AGBL1: variants seen among roughly 807,000 people sequenced by gnomAD.
The protein encoded by AGBL1 is cytosolic carboxypeptidase 4.
AGBL1 carries 130 observed loss-of-function variants against 118.9 expected under a neutral mutation model. The ratio of observed to expected loss-of-function variants is 1.09; its 90% CI spans 0.95 to 1.26. The LOEUF is 1.26. Ranked by LOEUF, AGBL1 falls within the 50% of genes most tolerant of loss-of-function variation. The pLI is 0.00. For synonymous variants in AGBL1, 555 were observed against 478.9 expected (o/e 1.16, Z -2.08); for missense variants, 1,584 against 1,298.1 (o/e 1.22, Z -3.38).
intron 3 of AGBL1, among the ~76,000 whole-genome samples, chr15:86,153,428 G>C (rs1261898604): frequency 6.6e-6 from 1 of 151,834 alleles, no homozygotes; most frequent in African/African-American, 2.4e-5. Flanking sequence ...ACCAAACACT[G>C]CATGCTCTCA....
chr15:86,546,056 TGTAGCATCAA>T lies in AGBL1; in HGVS notation c.2742_2751del (p.Cys914TrpfsTer17). 6.2e-7 allele frequency: 1 copy of T among 1,613,366 alleles called. No individual in the cohort carries two copies. The highest frequency in any genetic ancestry group is 8.5e-7 in the Non-Finnish European group (1 of 1,179,488). On this transcript the variant is annotated frameshift_variant, in exon 20 of 23. Coordinates refer to ENST00000614907, the MANE Select transcript of AGBL1 (RefSeq NM_001386094.1). LOFTEE classifies it high-confidence loss of function. Reference sequence around the variant, plus strand: ...AAAGAAGAATGTGTTCCTTTATGGCTGTAGCATCAAGGAAACCTTGTGGCAAGCAGCATGC... The same window carrying T: ...AAAGAAGAATGTGTTCCTTTATGGCTGGAAACCTTGTGGCAAGCAGCATGC...
At chr15:86,303,215 C>T (rs1044862268) in intron 17 of AGBL1, among the ~76,000 whole-genome samples, 1 of 152,148 alleles carries the variant, frequency 6.6e-6, no homozygotes, top group African/African-American at 2.4e-5. Flanking sequence ...AATACTTTTT[C>T]ATAGAGCAAT....
At chr15:86,262,522 T>A (rs1463622541) in intron 9 of AGBL1, 5 of 487,370 alleles carry the variant, frequency 1.0e-5, no homozygotes, top group Non-Finnish European at 1.9e-5. Context: ...TTTATCTCAT[T>A]TTATACAAAT....
chr15:86,313,543 G>A (rs1055322143), intron 17 of AGBL1, among the ~76,000 whole-genome samples: 2 of 152,184 alleles, frequency 1.3e-5, no homozygotes, highest in African/African-American at 4.8e-5. Context: ...AGGAAGCTGT[G>A]ATGTAATGAT....
chr15:86,154,472 A>T lies in AGBL1; in HGVS notation c.305A>T (p.Asp102Val). 1 of 1,613,058 alleles carries T rather than the reference A, an allele frequency of 6.2e-7. No individual in the cohort carries two copies. The highest frequency in any genetic ancestry group is 8.5e-7 in the Non-Finnish European group (1 of 1,179,538). Residue 102 changes from aspartate to valine, a missense_variant, in exon 4 of 23, where the codon GAT becomes GTT. Coordinates refer to ENST00000614907, the MANE Select transcript of AGBL1 (RefSeq NM_001386094.1). Reference sequence around the variant, plus strand: ...AAGGCCCTAGAATTGGAAGCACTTGATGTGACATTGATTCTGGCCAGGAAG... The same window carrying T: ...AAGGCCCTAGAATTGGAAGCACTTGTTGTGACATTGATTCTGGCCAGGAAG... ...GRKALELEAL[D>V]VTLILARKNL...
chr15:86,357,696 C>A (rs2080742388), intron 17 of AGBL1, among the ~76,000 whole-genome samples: 1 of 152,138 alleles, frequency 6.6e-6, no homozygotes, highest in African/African-American at 2.4e-5. Context: ...TTTGCTTTAA[C>A]ATAGCGTGCT....
At chr15:86,750,149 AG>A (rs1272111809) in intron 22 of AGBL1, among the ~76,000 whole-genome samples, 1 of 152,028 alleles carries the variant, frequency 6.6e-6, no homozygotes, top group Non-Finnish European at 1.5e-5. Context: ...CCTGCAGAAA[AG>A]TTTTCTAGTC....
chr15:86,147,588 A>G (rs765166568), intron 3 of AGBL1, among the ~76,000 whole-genome samples: 4 of 152,206 alleles, frequency 2.6e-5, no homozygotes, highest in Non-Finnish European at 4.4e-5. Context: ...AGGCCTGACT[A>G]GGTAAACAAA....
intron 23 of AGBL1, among the ~76,000 whole-genome samples, chr15:86,951,024 C>T (rs555138520): frequency 2.6e-5 from 4 of 152,280 alleles, no homozygotes; most frequent in African/African-American, 9.6e-5. Flanking sequence ...CAGAGTTCTA[C>T]AAAAACCTCA....
At chr15:86,725,708 A>G (rs1169302647) in intron 22 of AGBL1, among the ~76,000 whole-genome samples, 1 of 152,188 alleles carries the variant, frequency 6.6e-6, no homozygotes, top group Non-Finnish European at 1.5e-5. Context: ...AGCTACCACT[A>G]AGTCAAAGAG....
At chr15:86,143,001 C>T (rs1270248036) in intron 2 of AGBL1, among the ~76,000 whole-genome samples, 2 of 152,168 alleles carry the variant, frequency 1.3e-5, no homozygotes, top group East Asian at 3.8e-4. Context: ...AACTTTGCCC[C>T]GTACATAGAG....
intron 11 of AGBL1, 127 bp downstream of exon 11, chr15:86,264,965 C>T (rs537767634): frequency 5.2e-6 from 5 of 970,492 alleles, no homozygotes; most frequent in Non-Finnish European, 5.7e-6. Context: ...ATGTCAAAGC[C>T]TGTTGGCAAA....
intron 18 of AGBL1, among the ~76,000 whole-genome samples, chr15:86,478,813 C>T (rs1469956877): frequency 6.6e-6 from 1 of 152,192 alleles, no homozygotes; most frequent in East Asian, 1.9e-4. Context: ...GGAGGCATCT[C>T]ACTACCTGAC....
In AGBL1 at chr15:86,522,825, G is replaced by T. The variant is rs1486792776; in HGVS notation, c.2571G>T (p.Leu857=). 1 of 1,613,718 alleles carries T rather than the reference G, an allele frequency of 6.2e-7. No homozygotes were observed. The highest frequency in any genetic ancestry group is 2.2e-5 in the East Asian group (1 of 44,866). The change falls in exon 19 of 23, where the codon CTG becomes CTT. Residue 857 remains leucine, a synonymous_variant. Transcript: ENST00000614907. ...GVINGNHRCS[L]SGEDLNRQWL... ...GTTCCTGTAGCCACAGATGCTCACT[G>T]AGCGGGGAAGATTTGAACAGACAAT... is the stretch of plus-strand genomic sequence containing the variant.
intron 24 of AGBL1, among the ~76,000 whole-genome samples, chr15:87,002,933 A>G (rs1366570057): frequency 2.0e-5 from 3 of 152,174 alleles, no homozygotes; most frequent in Non-Finnish European, 4.4e-5. Flanking sequence ...AACAGGGACA[A>G]TTTGACTTCC....
chr15:86,323,244 A>G (rs2080133381), intron 17 of AGBL1, among the ~76,000 whole-genome samples: 2 of 151,682 alleles, frequency 1.3e-5, no homozygotes, highest in Non-Finnish European at 2.9e-5. Flanking sequence ...CCATGTTGCT[A>G]GAAGTGGAAG....
At chr15:86,182,908 T>C in intron 5 of AGBL1, among the ~76,000 whole-genome samples, 1 of 152,202 alleles carries the variant, frequency 6.6e-6, no homozygotes, top group East Asian at 1.9e-4. Context: ...GGAACAGGTC[T>C]ATACCCATAG....
At chr15:86,758,071 C>T (rs1186145371) in intron 22 of AGBL1, among the ~76,000 whole-genome samples, 1 of 151,960 alleles carries the variant, frequency 6.6e-6, no homozygotes, top group African/African-American at 2.4e-5. Flanking sequence ...TTTCTGAGTC[C>T]AAGTCAATGA....
At chr15:86,742,113 G>T (rs2077688694) in intron 22 of AGBL1, among the ~76,000 whole-genome samples, 1 of 152,000 alleles carries the variant, frequency 6.6e-6, no homozygotes, top group African/African-American at 2.4e-5. Context: ...GTGAGGCATT[G>T]AGCCATCTAT....
Sources: allele counts gnomAD v4.1 joint callset (sites outside exome capture counted in the v4.1 genomes callset), GRCh38; gene constraint gnomAD v4.1.1; transcripts MANE v1.5; gene names NCBI Gene and HGNC (gene_info 2026-07-23, HGNC 2026-07-21).